USP33: variants seen among roughly 807,000 people sequenced by gnomAD.
The protein encoded by USP33 is ubiquitin specific peptidase 33.
Under a neutral mutation model 124.2 loss-of-function variants are expected in USP33, and 46 were observed. That is an observed-to-expected ratio of 0.37 (90% confidence interval 0.29 to 0.47). The LOEUF (loss-of-function observed/expected upper bound fraction) is 0.47. Among genes scored for constraint, USP33 ranks in the 20% least tolerant of loss-of-function variants. The pLI, the probability that USP33 is intolerant of heterozygous loss-of-function variation, is 0.99. For synonymous variants in USP33, 350 were observed against 352.3 expected, an observed-to-expected ratio of 0.99 and a Z score of 0.07; for missense variants, 851 against 1,070.6, an observed-to-expected ratio of 0.79 and a Z score of 2.86.
Position 77,697,717 on chromosome 1 carries a change from T to G in USP33, c.2578+146A>C, listed in dbSNP as rs1673555819. On this transcript the variant is annotated intron_variant, in intron 23 of 23. Coordinates refer to ENST00000370794, the MANE Select transcript of USP33 (RefSeq NM_201624.3). ...GACCTTTCCTCAGATAAAAAAAAAG[T>G]GGCTGCTTTTCATTACTTGCCCTAG... 1.0e-5 allele frequency: 10 copies of G among 963,254 alleles called. No homozygotes were observed. The East Asian group carries it at 2.0e-4, about 19-fold the overall frequency. The allele number at this position is 963,254 out of a possible 1,614,324, so 59.7% of individuals were successfully genotyped here.
rs1352664313 is a variant in USP33 at position 77,717,848 on chromosome 1, G to C, written c.1918+19C>G. On this transcript the variant is annotated intron_variant, in intron 17 of 23. Transcript: ENST00000370794. ...TTTTTTTTTAAATCTAGGAACAACT[G>C]TTAAACCTATATACTTACTACTTGC... 1.3e-6 allele frequency: 2 copies of C among 1,560,078 alleles called. No individual in the cohort carries two copies. Among genetic ancestry groups the C allele is most frequent in the Admixed American group, 1.9e-5 (1 of 51,766 alleles).
At position 77,721,112 on chromosome 1, in the gene USP33, A is replaced by G. The variant is rs1676514774; in HGVS notation, c.1691+60T>C. The stretch of plus-strand genomic sequence containing the variant: ...TGGCAAATTTAACTCCACATACCCA[A>G]TTCTAAAAACCAAGAAAAATACACA... On this transcript the variant is annotated intron_variant, in intron 15 of 23. Coordinates refer to ENST00000370794, the MANE Select transcript of USP33 (RefSeq NM_201624.3). The G allele has an allele frequency of 4.1e-5, 66 of 1,601,324 alleles. 1 individual carries two copies. The South Asian group carries it at 6.5e-4, about 16-fold the overall frequency.
chr1:77,704,325 C>G (rs1252919706), intron 21 of USP33, among the ~76,000 whole-genome samples: 1 of 152,086 alleles, frequency 6.6e-6, no homozygotes, highest in Non-Finnish European at 1.5e-5. Context: ...GCAACTTATC[C>G]CTAGAGAACT....
At chr1:77,744,640 T>A (rs1193429762) in intron 1 of USP33, among the ~76,000 whole-genome samples, 1 of 152,176 alleles carries the variant, frequency 6.6e-6, no homozygotes, top group Non-Finnish European at 1.5e-5. Flanking sequence ...GCTCAGGAGT[T>A]AGAGACCAGC....
At chr1:77,729,564 A>G (rs1438189806) in intron 9 of USP33, among the ~76,000 whole-genome samples, 1 of 152,030 alleles carries the variant, frequency 6.6e-6, no homozygotes, top group East Asian at 1.9e-4. Context: ...CCAGTTACTC[A>G]GAAGGCTGAG....
At chr1:77,759,344 T>C (rs1681107667) in intron 1 of USP33, 2 of 366,826 alleles carry the variant, frequency 5.5e-6, no homozygotes, top group Non-Finnish European at 9.7e-6. Context: ...CTTCTCGGGC[T>C]CACCTGCACC....
intron 7 of USP33, 88 bp from the exon 8 acceptor site, chr1:77,730,819 T>A: frequency 1.2e-6 from 1 of 811,938 alleles, no homozygotes; most frequent in Non-Finnish European, 1.8e-6. Flanking sequence ...AACACATACA[T>A]TCCTTTAGCC....
intron 5 of USP33, 85 bp from the exon 6 acceptor site, chr1:77,736,243 C>G: frequency 1.3e-6 from 1 of 768,122 alleles, no homozygotes; most frequent in Non-Finnish European, 2.0e-6. Flanking sequence ...ACATCTATAC[C>G]ATAAAAATTA....
At chr1:77,715,919 A>G in intron 17 of USP33, 51 bp from the exon 18 acceptor site, 1 of 1,557,938 alleles carries the variant, frequency 6.4e-7, no homozygotes, top group South Asian at 1.2e-5. Flanking sequence ...ACAACAGAAG[A>G]AAGGAGGATA....
chr1:77,725,092 T>G (rs1677009076), intron 11 of USP33, among the ~76,000 whole-genome samples: 1 of 151,992 alleles, frequency 6.6e-6, no homozygotes, highest in Admixed American at 6.6e-5. Flanking sequence ...GAACAAACTA[T>G]TCAGACACGC....
intron 12 of USP33, 63 bp downstream of exon 12, chr1:77,723,268 T>C: frequency 8.3e-7 from 1 of 1,197,858 alleles, no homozygotes; most frequent in Non-Finnish European, 1.2e-6. Context: ...CACATCATCT[T>C]GTCACATTTT....
intron 21 of USP33, among the ~76,000 whole-genome samples, chr1:77,710,242 G>T (rs1001052742): frequency 6.6e-6 from 1 of 152,114 alleles, no homozygotes; most frequent in Non-Finnish European, 1.5e-5. Flanking sequence ...ACCCTCTGTG[G>T]TTATAAACAC....
chr1:77,711,633 T>G, intron 21 of USP33, 114 bp downstream of exon 21: 1 of 1,503,234 alleles, frequency 6.7e-7, no homozygotes. Flanking sequence ...CCTAGAACAC[T>G]TGAAATCTAT....
At chr1:77,719,597 A>C (rs1012186401) in intron 15 of USP33, among the ~76,000 whole-genome samples, 1 of 152,194 alleles carries the variant, frequency 6.6e-6, no homozygotes, top group Non-Finnish European at 1.5e-5. Context: ...TCACGCCTAT[A>C]ATCCCAGCAT....
At chr1:77,703,131 C>A (rs184507250) in intron 21 of USP33, among the ~76,000 whole-genome samples, 119 of 152,272 alleles carry the variant, frequency 7.8e-4, no homozygotes, top group African/African-American at 2.7e-3. Context: ...CTGACCTCAT[C>A]TTCTTTCTTC....
chr1:77,745,012 T>C lies in USP33; in HGVS notation c.-51-3264A>G, dbSNP rs1420669331. Among the ~76,000 whole-genome samples the C allele has an allele frequency of 2.0e-5, 3 of 152,340 alleles. No individual in the cohort carries two copies. In the East Asian group the frequency reaches 5.8e-4, roughly 29 times the overall value. On this transcript the variant is annotated intron_variant, in intron 1 of 23. Transcript: ENST00000370794. ...TTCTGTCTCGTTGATCTGTCTAATG[T>C]TGACAGTGGGTGTTAAAGTCTCCCA...
chr1:77,741,068 T>C (rs1318716892), intron 3 of USP33, 129 bp from the exon 4 acceptor site: 10 of 666,186 alleles, frequency 1.5e-5, no homozygotes, highest in Non-Finnish European at 2.5e-5. Flanking sequence ...TAAATGACTT[T>C]CCAGTCATTA....
At chr1:77,713,346 C>A in intron 19 of USP33, 65 bp from the exon 20 acceptor site, 1 of 1,380,316 alleles carries the variant, frequency 7.2e-7, no homozygotes, top group South Asian at 1.3e-5. Context: ...ACATTAAACT[C>A]ATTTTTTTTT....
intron 7 of USP33, among the ~76,000 whole-genome samples, chr1:77,732,657 G>T (rs1447113701): frequency 6.6e-6 from 1 of 151,972 alleles, no homozygotes; most frequent in Non-Finnish European, 1.5e-5. Flanking sequence ...TTTTCTTCCA[G>T]TTCCTCAAAT....
Sources: allele counts gnomAD v4.1 joint callset (sites outside exome capture counted in the v4.1 genomes callset), GRCh38; gene constraint gnomAD v4.1.1; transcripts MANE v1.5; gene names NCBI Gene and HGNC (gene_info 2026-07-23, HGNC 2026-07-21).